EMCN: variants seen among roughly 807,000 people sequenced by gnomAD.
EMCN encodes the protein MUC-14.
In EMCN, 37 loss-of-function variants were observed where a neutral mutation model predicts 38.4. That is an observed-to-expected ratio of 0.96 (90% CI 0.74 to 1.27). The LOEUF is 1.27. EMCN is among the 50% of genes most tolerant of loss of function. EMCN has a pLI of 0.00. For synonymous variants in EMCN, 95 were observed against 100.8 expected, an observed-to-expected ratio of 0.94 and a Z score of 0.35; for missense variants, 318 against 302.8, an observed-to-expected ratio of 1.05 and a Z score of -0.37.
intron 5 of EMCN, chr4:100,446,087 G>T (rs1308550561): frequency 4.1e-6 from 4 of 985,174 alleles, no homozygotes; most frequent in Non-Finnish European, 4.8e-6. Context: ...CTGACAATTT[G>T]GCTGCTTCCC....
chr4:100,405,224 G>A (rs1726362060), intron 11 of EMCN, among the ~76,000 whole-genome samples: 2 of 152,006 alleles, frequency 1.3e-5, no homozygotes, highest in Admixed American at 1.3e-4. Flanking sequence ...TTGCCTGACT[G>A]CTCTGGCTAT....
intron 1 of EMCN, among the ~76,000 whole-genome samples, chr4:100,494,215 T>A (rs896491735): frequency 6.6e-6 from 1 of 152,210 alleles, no homozygotes; most frequent in Non-Finnish European, 1.5e-5. Context: ...TAAAAATATT[T>A]TGAGCTATGT....
chr4:100,487,803 G>A (rs187233694), intron 1 of EMCN, among the ~76,000 whole-genome samples: 14 of 152,246 alleles, frequency 9.2e-5, no homozygotes, highest in South Asian at 6.2e-4. Flanking sequence ...AGTGCAGAAC[G>A]GTGAGTCCAT....
At chr4:100,459,290 G>T (rs1034604120) in intron 4 of EMCN, among the ~76,000 whole-genome samples, 8 of 63,742 alleles carry the variant, frequency 1.3e-4, no homozygotes, top group South Asian at 8.7e-4. Flanking sequence ...ACAATATTTT[G>T]TGTGTGTGTA....
chr4:100,490,590 AC>A (rs1369303535), intron 1 of EMCN, among the ~76,000 whole-genome samples: 1 of 152,184 alleles, frequency 6.6e-6, no homozygotes, highest in Non-Finnish European at 1.5e-5. Flanking sequence ...ATACATGCAT[AC>A]TTACCATTGT....
intron 11 of EMCN, among the ~76,000 whole-genome samples, chr4:100,400,733 A>G (rs183228694): frequency 5.3e-5 from 8 of 152,312 alleles, no homozygotes; most frequent in Admixed American, 5.2e-4. Flanking sequence ...CATGATTGAT[A>G]CTGTTTCAAT....
intron 4 of EMCN, 126 bp downstream of exon 4, chr4:100,465,297 G>A (rs1414223406): frequency 1.8e-6 from 1 of 565,232 alleles, no homozygotes; most frequent in African/African-American, 1.9e-5. Context: ...TTGTTCTATT[G>A]GGTAGAGATT....
In EMCN at chr4:100,490,799, G is replaced by A. The variant is rs555195704; in HGVS notation, c.65-10760C>T. On this transcript the variant is annotated intron_variant, in intron 1 of 11. Coordinates refer to ENST00000296420, the MANE Select transcript of EMCN (RefSeq NM_016242.4). Reference sequence around the variant, plus strand: ...CACTGCATGACTGTACTAGGGTTCCGTTTTCTCTACATCCTATCTAATACA... The same window carrying A: ...CACTGCATGACTGTACTAGGGTTCCATTTTCTCTACATCCTATCTAATACA... 1.9e-3 allele frequency among the ~76,000 whole-genome samples: 290 copies of A among 152,198 alleles called. 1 individual carries two copies. The highest frequency in any genetic ancestry group is 3.6e-3 in the Non-Finnish European group (245 of 67,988).
intron 3 of EMCN, among the ~76,000 whole-genome samples, chr4:100,467,635 T>C (rs1005793733): frequency 7.6e-6 from 1 of 132,162 alleles, no homozygotes; most frequent in African/African-American, 2.9e-5. Context: ...TGAGCCGGGA[T>C]AGCGCCACTG....
rs2110201084 is a variant in EMCN at position 100,397,566 on chromosome 4, T to C, written c.*847A>G. The C allele has an allele frequency of 6.6e-6, 1 of 152,276 alleles. No individual in the cohort carries two copies. Among genetic ancestry groups the C allele is most frequent in the South Asian group, 2.1e-4 (1 of 4,828 alleles). 9.4% of individuals were successfully genotyped at this position (152,276 alleles called of 1,614,324 possible). A position where few individuals can be genotyped will look rare whatever the true frequency, so the allele number is the denominator to read the frequency against. On this transcript the variant is annotated 3_prime_UTR_variant, in exon 12 of 12. Transcript: ENST00000296420. ...TTAATGAAAAATCATGATCCTATTA[T>C]CTTAATGAATGCAGTATAGTGTTAT...
rs1729421481 is a variant in EMCN at position 100,504,246 on chromosome 4, G to A, written c.64+13605C>T. Reference sequence around the variant, plus strand: ...ACAGTTGGAAGGCATAACGGCCTAGGATCTGACTCACTCCTGGGAAATCTA... The same window carrying A: ...ACAGTTGGAAGGCATAACGGCCTAGAATCTGACTCACTCCTGGGAAATCTA... On this transcript the variant is annotated intron_variant, in intron 1 of 11. Transcript: ENST00000296420. 1.3e-5 allele frequency among the ~76,000 whole-genome samples: 2 copies of A among 152,124 alleles called. 1 individual carries two copies. The highest frequency in any genetic ancestry group is 4.1e-4 in the South Asian group (2 of 4,834).
chr4:100,471,789 A>G (rs1430362066), intron 3 of EMCN, among the ~76,000 whole-genome samples: 1 of 152,088 alleles, frequency 6.6e-6, no homozygotes, highest in East Asian at 1.9e-4. Context: ...ATAGAAATCA[A>G]TATCATATGC....
At chr4:100,487,091 G>A (rs868043509) in intron 1 of EMCN, 1 of 879,818 alleles carries the variant, frequency 1.1e-6, no homozygotes. Flanking sequence ...GAGGAAAAAG[G>A]AATATCTTGG....
At chr4:100,447,401 A>G (rs1727702632) in intron 5 of EMCN, 132 bp downstream of exon 5, 1 of 662,092 alleles carries the variant, frequency 1.5e-6, no homozygotes, top group African/African-American at 1.8e-5. Context: ...TTTTCTAAAC[A>G]TTTTATTTGT....
intron 10 of EMCN, among the ~76,000 whole-genome samples, chr4:100,414,171 A>G (rs768912325): frequency 1.3e-5 from 2 of 152,018 alleles, no homozygotes; most frequent in Admixed American, 1.3e-4. Context: ...AGGTATGTTT[A>G]GCACCCTGAC....
chr4:100,504,517 C>A lies in EMCN; in HGVS notation c.64+13334G>T, dbSNP rs143925268. Among the ~76,000 whole-genome samples the A allele has an allele frequency of 1.9e-3, 296 of 152,264 alleles. 9 individuals carry two copies. In the East Asian group the frequency reaches 0.056, roughly 29 times the overall value. ...TAGTTTGTAGCAATTACTCTTTATTCCAATATTATAATAATCCTCGCTCTA... is the reference window on the plus strand; with the variant it reads ...TAGTTTGTAGCAATTACTCTTTATTACAATATTATAATAATCCTCGCTCTA... On this transcript the variant is annotated intron_variant, in intron 1 of 11. Coordinates refer to ENST00000296420, the MANE Select transcript of EMCN (RefSeq NM_016242.4).
chr4:100,441,135 G>T (rs923563384), intron 5 of EMCN, among the ~76,000 whole-genome samples: 1 of 151,500 alleles, frequency 6.6e-6, no homozygotes, highest in Admixed American at 6.6e-5. Flanking sequence ...TTATAATATT[G>T]CTCTTTATTT....
At chr4:100,451,904 A>G (rs1355666080) in intron 4 of EMCN, among the ~76,000 whole-genome samples, 1 of 152,044 alleles carries the variant, frequency 6.6e-6, no homozygotes, top group East Asian at 1.9e-4. Flanking sequence ...AGATCCTGTG[A>G]AAGTATAATC....
At chr4:100,414,879 T>C (rs1726670246) in intron 10 of EMCN, among the ~76,000 whole-genome samples, 1 of 152,180 alleles carries the variant, frequency 6.6e-6, no homozygotes, top group South Asian at 2.1e-4. Context: ...GATATTTAAA[T>C]TAGACCCACA....
Sources: allele counts gnomAD v4.1 joint callset (sites outside exome capture counted in the v4.1 genomes callset), GRCh38; gene constraint gnomAD v4.1.1; transcripts MANE v1.5; gene names NCBI Gene and HGNC (gene_info 2026-07-23, HGNC 2026-07-21).